Variants in MYBPH observed in about 807,000 individuals in gnomAD.
The protein encoded by MYBPH is myosin-binding protein H.
A neutral mutation model predicts 53.6 loss-of-function variants in MYBPH; 49 were observed. That is an observed-to-expected ratio of 0.91 (90% CI 0.73 to 1.16). The LOEUF (loss-of-function observed/expected upper bound fraction) is 1.16. Among genes scored for constraint, MYBPH ranks in the 50% most tolerant of loss-of-function variants. MYBPH has a pLI of 0.00. For synonymous variants in MYBPH, 239 were observed against 249.6 expected (o/e 0.96, Z 0.40); for missense variants, 558 against 624.1 (o/e 0.89, Z 1.13).
intron 7 of MYBPH, among the ~76,000 whole-genome samples, chr1:203,169,859 G>C (rs1417036995): frequency 6.6e-6 from 1 of 152,166 alleles, no homozygotes; most frequent in Non-Finnish European, 1.5e-5. Context: ...GTGCCTGTGT[G>C]GAGACAGTAA....
At chr1:203,177,745 G>A (rs1655841576), upstream of MYBPH, among the ~76,000 whole-genome samples, 1 of 152,266 alleles carries the variant, frequency 6.6e-6, no homozygotes, top group East Asian at 1.9e-4. Flanking sequence ...GGGGAGGGCA[G>A]TTGGCTGCCC....
At chr1:203,172,193 G>A (rs1655714385) in intron 3 of MYBPH, among the ~76,000 whole-genome samples, 153 bp from the exon 4 acceptor site, 1 of 152,086 alleles carries the variant, frequency 6.6e-6, no homozygotes, top group Non-Finnish European at 1.5e-5. Context: ...TGCAGGAAGG[G>A]TGAAGCTCTC....
At chr1:203,175,271 G>C in intron 2 of MYBPH, 56 bp downstream of exon 2, 4 of 1,503,258 alleles carry the variant, frequency 2.7e-6, no homozygotes, top group Non-Finnish European at 8.9e-7. Flanking sequence ...ACTTGTCCCT[G>C]CAGCCCTCCA....
In MYBPH at chr1:203,175,704, C is replaced by G; in HGVS notation, c.52G>C (p.Ala18Pro). The change falls in exon 1 of 11, where the codon GCA (alanine) becomes CCA (proline). Residue 18 changes from alanine to proline, a missense_variant. By Grantham distance (27) the Ala-to-Pro change is conservative. Transcript: ENST00000255416. ...EGPACSPEET[A>P]SESAKVPTAE... ...GTGGGCACCTTGGCAGATTCAGATG[C>G]GGTCTCCTCTGGACTGCAGGCAGGG... is the stretch of plus-strand genomic sequence containing the variant. The G allele has an allele frequency of 6.2e-7, 1 of 1,614,042 alleles. No individual in the cohort carries two copies. The highest frequency in any genetic ancestry group is 8.5e-7 in the Non-Finnish European group (1 of 1,179,992).
upstream of MYBPH, among the ~76,000 whole-genome samples, chr1:203,177,716 TG>T (rs1655840831): frequency 6.6e-6 from 1 of 152,236 alleles, no homozygotes; most frequent in Non-Finnish European, 1.5e-5. Flanking sequence ...TGTCCCCGGC[TG>T]GGGGAAGGGT....
rs1489026014 is a variant in MYBPH, at chr1:203,170,461, C to T, written c.934-11G>A. On this transcript the variant is annotated splice_polypyrimidine_tract_variant and intron_variant, in intron 6 of 10. Coordinates refer to ENST00000255416, the MANE Select transcript of MYBPH (RefSeq NM_004997.3). ...CACTGTGAACCATTGCTGCAGGGCC[C>T]CGGGTGTCACCCTCATTTCTCACCC... 1.9e-6 allele frequency: 3 copies of T among 1,612,886 alleles called. No homozygotes were observed. Among genetic ancestry groups the T allele is most frequent in the South Asian group, 1.1e-5 (1 of 90,986 alleles).
chr1:203,175,254 C>G, intron 2 of MYBPH, 73 bp downstream of exon 2: 1 of 1,492,090 alleles, frequency 6.7e-7, no homozygotes, highest in Non-Finnish European at 8.9e-7. Flanking sequence ...AACCACAGGG[C>G]CTGTGCACTT....
chr1:203,173,076 G>C (rs970291385), intron 3 of MYBPH, among the ~76,000 whole-genome samples: 4 of 152,198 alleles, frequency 2.6e-5, no homozygotes, highest in African/African-American at 9.6e-5. Context: ...AAGCCTGGCT[G>C]TTCCCCACTT....
upstream of MYBPH, among the ~76,000 whole-genome samples, chr1:203,177,193 G>C (rs1265390361): frequency 6.6e-6 from 1 of 152,176 alleles, no homozygotes; most frequent in Non-Finnish European, 1.5e-5. Flanking sequence ...AAAGGAAGAT[G>C]AGGCCAGTAC....
chr1:203,175,672 C>T lies in MYBPH; in HGVS notation c.84G>A (p.Glu28=), dbSNP rs762057578. 7 of 1,614,014 alleles carry T rather than the reference C, an allele frequency of 4.3e-6. No homozygotes were observed. Among genetic ancestry groups the T allele is most frequent in the Non-Finnish European group, 5.9e-6 (7 of 1,179,948 alleles). The change falls in exon 1 of 11, where the codon GAG becomes GAA. Residue 28 remains glutamate, a synonymous_variant. Coordinates refer to ENST00000255416, the MANE Select transcript of MYBPH (RefSeq NM_004997.3). ...ASESAKVPTA[E]PPGEVAVSES... ...CTGATACTGCCACTTCTCCGGGAGG[C>T]TCTGCTGTGGGCACCTTGGCAGATT...
At position 203,171,754 on chromosome 1, in the gene MYBPH, C is replaced by T. The variant is rs1200892902; in HGVS notation, c.598-176G>A. Reference sequence around the variant, plus strand: ...GCCCACAGCCACATCTTCCAGGTGTCCATCCCGCTCTGGGGGCCCACCTGC... The same window carrying T: ...GCCCACAGCCACATCTTCCAGGTGTTCATCCCGCTCTGGGGGCCCACCTGC... On this transcript the variant is annotated intron_variant, in intron 4 of 10. Coordinates refer to ENST00000255416, the MANE Select transcript of MYBPH (RefSeq NM_004997.3). The surrounding 1 kb of genome is among the most constrained non-coding windows in gnomAD (Gnocchi z 4.2). Among the ~76,000 whole-genome samples the T allele has an allele frequency of 6.6e-6, 1 of 152,226 alleles. No individual in the cohort carries two copies. The highest frequency in any genetic ancestry group is 2.4e-5 in the African/African-American group (1 of 41,464).
intron 6 of MYBPH, among the ~76,000 whole-genome samples, chr1:203,170,781 A>C (rs1655679369): frequency 6.6e-6 from 1 of 152,158 alleles, no homozygotes; most frequent in South Asian, 2.1e-4. Flanking sequence ...CCTCTTAGCA[A>C]GCTCCCCAGG....
chr1:203,168,157 C>T, intron 10 of MYBPH, 66 bp from the exon 11 acceptor site: 1 of 223,084 alleles, frequency 4.5e-6, no homozygotes, highest in South Asian at 6.0e-5. Flanking sequence ...CAGAGAGGTG[C>T]AGAGTGGGGA....
upstream of MYBPH, among the ~76,000 whole-genome samples, chr1:203,177,441 T>C (rs1341245767): frequency 6.6e-6 from 1 of 152,240 alleles, no homozygotes; most frequent in Non-Finnish European, 1.5e-5. Context: ...GCAGCATGCA[T>C]GCTCTTCCCT....
intron 2 of MYBPH, among the ~76,000 whole-genome samples, chr1:203,174,858 G>A (rs945100952): frequency 2.0e-5 from 3 of 152,102 alleles, no homozygotes; most frequent in African/African-American, 7.2e-5. Flanking sequence ...GCAAGGTAGG[G>A]GCAGAGGCAG....
At chr1:203,175,921 T>C, upstream of MYBPH, 1 of 674,408 alleles carries the variant, frequency 1.5e-6, no homozygotes, top group East Asian at 2.8e-5. Context: ...GCAGGAGGAC[T>C]GGAGGGTGGA....
chr1:203,168,742 A>G lies in MYBPH; in HGVS notation c.1418-67T>C, dbSNP rs1571819254. ...GGAACTGGAAAGTTCACGGTTATACACCCTCTTCTACACCTGTCCACCCTG... is the reference window on the plus strand; with the variant it reads ...GGAACTGGAAAGTTCACGGTTATACGCCCTCTTCTACACCTGTCCACCCTG... On this transcript the variant is annotated intron_variant, in intron 9 of 10. Coordinates refer to ENST00000255416, the MANE Select transcript of MYBPH (RefSeq NM_004997.3). 8.1e-6 allele frequency: 13 copies of G among 1,605,818 alleles called. No individual in the cohort carries two copies. In the South Asian group the frequency reaches 1.4e-4, roughly 18 times the overall value.
chr1:203,171,950 ACCT>A lies in MYBPH; in HGVS notation c.596_597+1del, dbSNP rs1374602041. ...GTTACCCTTGGTGGGGGTAATACCC[ACCT>A]GGAAGGGGATTTGCAGGTTGACCGT... On this transcript the variant is annotated splice_donor_variant and coding_sequence_variant, in exon 4 of 11. Transcript: ENST00000255416. LOFTEE classifies it high-confidence loss of function. This position sits in a 1 kb window ranked among gnomAD's most constrained non-coding sequence, Gnocchi z 4.2. 1.5e-6 allele frequency: 2 copies of A among 1,316,858 alleles called. No individual in the cohort carries two copies. Among genetic ancestry groups the A allele is most frequent in the Non-Finnish European group, 2.0e-6 (2 of 1,025,290 alleles). The allele number at this position is 1,316,858 out of a possible 1,614,324, so 81.6% of individuals were successfully genotyped here.
rs763492627 is a variant in MYBPH at position 203,171,315 on chromosome 1, A to C, written c.793+68T>G. On this transcript the variant is annotated intron_variant, in intron 5 of 10. Transcript: ENST00000255416. The surrounding 1 kb of genome is among the most constrained non-coding windows in gnomAD (Gnocchi z 4.2). ...CCTTGGCCTGCTCCCATCAGCCATCAGCTCTGGGATAGGAGGTTGGGGGCT... is the reference window on the plus strand; with the variant it reads ...CCTTGGCCTGCTCCCATCAGCCATCCGCTCTGGGATAGGAGGTTGGGGGCT... The C allele has an allele frequency of 4.5e-6, 7 of 1,565,616 alleles. No individual in the cohort carries two copies. In the South Asian group the frequency reaches 6.0e-5, roughly 13 times the overall value.
Sources: gnomAD v4.1 joint callset for allele counts (sites outside exome capture counted in the v4.1 genomes callset) on GRCh38, gnomAD v4.1.1 for gene constraint, Gnocchi (gnomAD v3.1) non-coding constraint, MANE v1.5 for transcripts, NCBI Gene and HGNC (gene_info 2026-07-23, HGNC 2026-07-21) for gene names.